Variants in EXOC6B observed in about 807,000 individuals in gnomAD.
EXOC6B encodes SEC15 homolog B.
A neutral mutation model predicts 113.5 loss-of-function variants in EXOC6B; 54 were observed. The ratio of observed to expected loss-of-function variants is 0.48; its 90% CI spans 0.38 to 0.60. The LOEUF is 0.60. Among genes scored for constraint, EXOC6B ranks in the 20% least tolerant of loss-of-function variants. The pLI is 0.00. For missense variants in EXOC6B, 797 were observed against 977.5 expected, an observed-to-expected ratio of 0.82 and a Z score of 2.46; for synonymous variants, 357 against 339.0, an observed-to-expected ratio of 1.05 and a Z score of -0.58.
intron 6 of EXOC6B, among the ~76,000 whole-genome samples, chr2:72,670,786 G>A (rs1675732209): frequency 1.3e-5 from 2 of 152,154 alleles, no homozygotes; most frequent in Admixed American, 1.3e-4. Flanking sequence ...CTCTTTTGCT[G>A]GCTACTCTTT....
At chr2:72,335,247 C>A in intron 19 of EXOC6B, 1 of 504,484 alleles carries the variant, frequency 2.0e-6, no homozygotes, top group East Asian at 3.4e-5. Context: ...CTAATTCGAC[C>A]TGAAATTTAT....
intron 8 of EXOC6B, among the ~76,000 whole-genome samples, chr2:72,558,363 C>G (rs1396120362): frequency 6.6e-6 from 1 of 151,990 alleles, no homozygotes; most frequent in Non-Finnish European, 1.5e-5. Flanking sequence ...AGGAAACTAC[C>G]TGATTTTTAA....
intron 20 of EXOC6B, among the ~76,000 whole-genome samples, chr2:72,212,364 G>A (rs540497159): frequency 6.6e-6 from 1 of 152,240 alleles, no homozygotes; most frequent in East Asian, 1.9e-4. Context: ...ACATATCATA[G>A]AGATAAATCT....
intron 20 of EXOC6B, among the ~76,000 whole-genome samples, chr2:72,326,477 T>C (rs1255796707): frequency 6.6e-6 from 1 of 152,050 alleles, no homozygotes; most frequent in Non-Finnish European, 1.5e-5. Flanking sequence ...GACAATGCTG[T>C]CTGTGGACTA....
chr2:72,669,785 G>A (rs1675665526), intron 6 of EXOC6B, among the ~76,000 whole-genome samples: 1 of 152,214 alleles, frequency 6.6e-6, no homozygotes, highest in South Asian at 2.1e-4. Context: ...GGTAGAGCCA[G>A]GGATGCTAGA....
At chr2:72,323,083 T>C (rs1004743014) in intron 20 of EXOC6B, among the ~76,000 whole-genome samples, 4 of 152,070 alleles carry the variant, frequency 2.6e-5, no homozygotes, top group African/African-American at 9.7e-5. Flanking sequence ...ATTTTTGCAA[T>C]CTATCCCTGA....
chr2:72,287,141 T>C (rs989820848), intron 20 of EXOC6B, among the ~76,000 whole-genome samples: 19 of 151,858 alleles, frequency 1.3e-4, no homozygotes, highest in African/African-American at 4.6e-4. Flanking sequence ...AAATAGAATA[T>C]AAATGTAGGC....
intron 20 of EXOC6B, among the ~76,000 whole-genome samples, chr2:72,230,966 A>G (rs1681581992): frequency 6.6e-6 from 1 of 152,246 alleles, no homozygotes; most frequent in Non-Finnish European, 1.5e-5. Context: ...AGAAACAGTT[A>G]AAATGCTTTT....
At position 72,731,202 on chromosome 2, in the gene EXOC6B, T is replaced by C; in HGVS notation, c.371A>G (p.Gln124Arg). Residue 124 changes from glutamine (Q) to arginine (R), a missense_variant, in exon 4 of 22, where the codon CAG becomes CGG. Gln to Arg is a conservative substitution (Grantham distance 43, BLOSUM62 1). Coordinates refer to ENST00000272427, the MANE Select transcript of EXOC6B (RefSeq NM_015189.3). Reference protein sequence around the residue: ...MEELKQCRLQQRNISATVDKL... With the variant: ...MEELKQCRLQRRNISATVDKL... ...ATCAACAGTGGCAGAAATATTTCTC[T>C]GTTGTAGTCGACACTGCTTCAGCTC... The C allele has an allele frequency of 1.2e-6, 2 of 1,613,488 alleles. No individual in the cohort carries two copies. The highest frequency in any genetic ancestry group is 1.7e-6 in the Non-Finnish European group (2 of 1,179,710).
intron 6 of EXOC6B, among the ~76,000 whole-genome samples, chr2:72,647,421 AC>A (rs1457176681): frequency 5.3e-5 from 8 of 152,168 alleles, no homozygotes; most frequent in Non-Finnish European, 1.2e-4. Context: ...GAATTGGAAA[AC>A]AACTACTTTA....
chr2:72,548,553 T>G (rs1176785154), intron 8 of EXOC6B, among the ~76,000 whole-genome samples: 2 of 152,138 alleles, frequency 1.3e-5, no homozygotes, highest in African/African-American at 2.4e-5. Flanking sequence ...AATAGAACTG[T>G]TTTCCCTCAT....
intron 6 of EXOC6B, among the ~76,000 whole-genome samples, chr2:72,657,755 A>T (rs571075654): frequency 2.0e-5 from 3 of 150,998 alleles, no homozygotes; most frequent in Non-Finnish European, 3.0e-5. Flanking sequence ...AATCTACCAT[A>T]AGAAATTCAC....
At chr2:72,576,009 A>C (rs1037643380) in intron 6 of EXOC6B, among the ~76,000 whole-genome samples, 2 of 152,124 alleles carry the variant, frequency 1.3e-5, no homozygotes, top group Non-Finnish European at 2.9e-5. Context: ...AAATCTATCC[A>C]GTTTTGCCTT....
At chr2:72,381,931 A>T (rs1435106664) in intron 18 of EXOC6B, among the ~76,000 whole-genome samples, 1 of 152,194 alleles carries the variant, frequency 6.6e-6, no homozygotes, top group African/African-American at 2.4e-5. Flanking sequence ...TTTGACTCAA[A>T]TCTTATTTGT....
At chr2:72,582,726 G>A (rs1705303499) in intron 6 of EXOC6B, among the ~76,000 whole-genome samples, 1 of 152,050 alleles carries the variant, frequency 6.6e-6, no homozygotes, top group East Asian at 1.9e-4. Context: ...TCTGAATGTA[G>A]TGACACCACC....
At chr2:72,484,142 CTT>C (rs76559193) in intron 16 of EXOC6B, among the ~76,000 whole-genome samples, 1 of 135,286 alleles carries the variant, frequency 7.4e-6, no homozygotes, top group African/African-American at 2.7e-5. Context: ...GAGGTAATTT[CTT>C]TTTTTTTTTT....
chr2:72,728,489 G>C (rs569711322), intron 5 of EXOC6B, among the ~76,000 whole-genome samples: 1 of 152,206 alleles, frequency 6.6e-6, no homozygotes, highest in Non-Finnish European at 1.5e-5. Flanking sequence ...TATCAGTAAG[G>C]ATAGTTATAG....
At chr2:72,670,549 C>G (rs1244071123) in intron 6 of EXOC6B, among the ~76,000 whole-genome samples, 1 of 152,154 alleles carries the variant, frequency 6.6e-6, no homozygotes, top group East Asian at 1.9e-4. Context: ...TAAGTTTGAT[C>G]ATGCCCCTCT....
chr2:72,794,974 C>A (rs945837585), intron 1 of EXOC6B, among the ~76,000 whole-genome samples: 11 of 152,198 alleles, frequency 7.2e-5, no homozygotes, highest in African/African-American at 2.7e-4. Flanking sequence ...TACAAAAACA[C>A]ATGCAGTCGT....
Sources: allele counts gnomAD v4.1 joint callset (sites outside exome capture counted in the v4.1 genomes callset), GRCh38; gene constraint gnomAD v4.1.1; transcripts MANE v1.5; gene names NCBI Gene and HGNC (gene_info 2026-07-23, HGNC 2026-07-21).